The following INVS variants were observed in gnomAD, a reference collection of about 807,000 sequenced individuals.
The protein encoded by INVS is inversion of embryo turning homolog.
A neutral mutation model predicts 108.8 loss-of-function variants in INVS; 86 were observed. That is an observed-to-expected ratio of 0.79 (90% CI 0.66 to 0.95). INVS has a LOEUF of 0.95. Among genes scored for constraint, INVS ranks in the 40% least tolerant of loss-of-function variants. INVS has a pLI of 0.00. For synonymous variants in INVS, 455 were observed against 473.5 expected, an observed-to-expected ratio of 0.96 and a Z score of 0.51; for missense variants, 1,169 against 1,297.4, an observed-to-expected ratio of 0.90 and a Z score of 1.52.
Position 100,292,993 on chromosome 9 carries a change from G to A in INVS, c.2736G>A (p.Leu912=), listed in dbSNP as rs1833675117. 6 of 1,614,010 alleles carry A rather than the reference G, an allele frequency of 3.7e-6. No individual in the cohort carries two copies. Among genetic ancestry groups the A allele is most frequent in the Non-Finnish European group, 4.2e-6 (5 of 1,179,864 alleles). The change falls in exon 14 of 17, where the codon CTG becomes CTA. Residue 912 remains leucine, a synonymous_variant. Transcript: ENST00000262457. ...IIQRERRRKE[L]FRKKNKAAAV... ...AGAGAGAACGAAGGAGGAAGGAGCT[G>A]TTTCGCAAAAAGAACAAGGCAGCAG...
At chr9:100,298,177 G>A (rs751476346) in intron 16 of INVS, 167 bp downstream of exon 16, 1 of 1,517,632 alleles carries the variant, frequency 6.6e-7, no homozygotes, top group South Asian at 1.3e-5. Flanking sequence ...CTCCCTAAGA[G>A]GCAAATTATT....
At chr9:100,220,415 C>G (rs145029699) in intron 3 of INVS, among the ~76,000 whole-genome samples, 1 of 152,106 alleles carries the variant, frequency 6.6e-6, no homozygotes, top group Non-Finnish European at 1.5e-5. Context: ...TTCACTGTTT[C>G]AGAGATATTG....
At chr9:100,267,019 TAAA>T (rs11415703) in intron 11 of INVS, among the ~76,000 whole-genome samples, 38 of 93,128 alleles carry the variant, frequency 4.1e-4, no homozygotes, top group South Asian at 1.0e-3. Context: ...TTTGAAACTC[TAAA>T]AAAAAAAAAA....
chr9:100,266,603 T>C (rs1041867134), intron 11 of INVS, among the ~76,000 whole-genome samples: 1 of 152,212 alleles, frequency 6.6e-6, no homozygotes, highest in African/African-American at 2.4e-5. Flanking sequence ...CAACCTGTTT[T>C]ATCAGCAAGG....
At chr9:100,183,526 C>T (rs1208661137) in intron 3 of INVS, among the ~76,000 whole-genome samples, 1 of 152,134 alleles carries the variant, frequency 6.6e-6, no homozygotes, top group East Asian at 1.9e-4. Flanking sequence ...GGCACAGTGG[C>T]TTACGCCTGT....
At chr9:100,172,237 T>C (rs1412890490) in intron 3 of INVS, among the ~76,000 whole-genome samples, 3 of 152,194 alleles carry the variant, frequency 2.0e-5, no homozygotes, top group Admixed American at 1.3e-4. Context: ...CCCATAATTA[T>C]TCATGAACAA....
chr9:100,183,173 A>G (rs940463862), intron 3 of INVS, among the ~76,000 whole-genome samples: 1 of 152,188 alleles, frequency 6.6e-6, no homozygotes, highest in Non-Finnish European at 1.5e-5. Context: ...TACCTAATGT[A>G]GATGACAGGT....
At chr9:100,293,092 T>C (rs1833679010) in intron 14 of INVS, 49 bp downstream of exon 14, 4 of 1,518,456 alleles carry the variant, frequency 2.6e-6, no homozygotes, top group African/African-American at 1.4e-5. Flanking sequence ...TTACTGATAT[T>C]CTCAACATGA....
At chr9:100,180,818 CA>C (rs1829866397) in intron 3 of INVS, among the ~76,000 whole-genome samples, 1 of 151,806 alleles carries the variant, frequency 6.6e-6, no homozygotes, top group Non-Finnish European at 1.5e-5. Context: ...CTGGCAGAGA[CA>C]CAACAAAAAA....
rs75843857 is a variant in INVS, at chr9:100,262,573, T to C, written c.1465-2249T>C. Among the ~76,000 whole-genome samples, 82 of 151,218 alleles carry C rather than the reference T, an allele frequency of 5.4e-4. 2 individuals carry two copies. In the East Asian group the frequency reaches 0.016, roughly 29 times the overall value. ...TAGTGAGTTCCTCTTGTTTATTTCA[T>C]ATATTGGTAATGTGTGTTTTCTCTT... On this transcript the variant is annotated intron_variant, in intron 10 of 16. Coordinates refer to ENST00000262457, the MANE Select transcript of INVS (RefSeq NM_014425.5).
intron 4 of INVS, among the ~76,000 whole-genome samples, chr9:100,227,544 CA>C (rs1487792437): frequency 2.0e-5 from 3 of 152,106 alleles, no homozygotes; most frequent in East Asian, 3.8e-4. Flanking sequence ...GCAACTTCAA[CA>C]AGTTCAAGAT....
intron 3 of INVS, among the ~76,000 whole-genome samples, chr9:100,221,298 C>T (rs912787446): frequency 7.0e-6 from 1 of 141,894 alleles, no homozygotes; most frequent in African/African-American, 2.7e-5. Context: ...AATTTGCATA[C>T]AGGACAATTT....
chr9:100,263,026 A>G (rs1431812698), intron 10 of INVS, among the ~76,000 whole-genome samples: 1 of 152,202 alleles, frequency 6.6e-6, no homozygotes, highest in African/African-American at 2.4e-5. Flanking sequence ...CTAGGATTAC[A>G]GGCATGAGCC....
intron 3 of INVS, among the ~76,000 whole-genome samples, chr9:100,221,012 A>G (rs985898077): frequency 1.3e-5 from 2 of 152,106 alleles, no homozygotes; most frequent in Non-Finnish European, 2.9e-5. Flanking sequence ...AAATCCTCCA[A>G]AAAGTATTTG....
At chr9:100,258,355 C>A (rs79121928) in intron 10 of INVS, among the ~76,000 whole-genome samples, 3 of 151,984 alleles carry the variant, frequency 2.0e-5, no homozygotes, top group Non-Finnish European at 4.4e-5. Flanking sequence ...CGAACATGCT[C>A]CTTTAGCTCG....
intron 3 of INVS, among the ~76,000 whole-genome samples, chr9:100,165,161 T>G (rs991816670): frequency 6.6e-6 from 1 of 152,106 alleles, no homozygotes; most frequent in African/African-American, 2.4e-5. Context: ...GTACATGTAA[T>G]GTTTTGATAC....
chr9:100,262,542 G>A (rs1832657574), intron 10 of INVS, among the ~76,000 whole-genome samples: 1 of 149,890 alleles, frequency 6.7e-6, no homozygotes, highest in African/African-American at 2.5e-5. Context: ...ATGCCTGTAG[G>A]ACCTGTAGTG....
chr9:100,240,006 G>A, intron 5 of INVS, 54 bp from the exon 6 acceptor site: 8 of 1,459,994 alleles, frequency 5.5e-6, no homozygotes, highest in Non-Finnish European at 7.7e-6. Flanking sequence ...TACACCAAAT[G>A]TAATTTATTG....
intron 2 of INVS, 108 bp from the exon 3 acceptor site, chr9:100,126,275 A>G: frequency 5.8e-6 from 5 of 859,176 alleles, no homozygotes; most frequent in Admixed American, 4.2e-5. Context: ...ATAAGATGAT[A>G]TACTTAAGCA....
Sources: gnomAD v4.1 joint callset for allele counts (sites outside exome capture counted in the v4.1 genomes callset) on GRCh38, gnomAD v4.1.1 for gene constraint, MANE v1.5 for transcripts, NCBI Gene and HGNC (gene_info 2026-07-23, HGNC 2026-07-21) for gene names.